GPC5: variants seen among roughly 807,000 people sequenced by gnomAD.
GPC5 encodes glypican 5.
Under a neutral mutation model 53.9 loss-of-function variants are expected in GPC5, and 47 were observed. The ratio of observed to expected loss-of-function variants is 0.87; its 90% CI spans 0.69 to 1.11. The LOEUF (loss-of-function observed/expected upper bound fraction) is 1.11, where lower values mean the gene tolerates loss of function less well. Among genes scored for constraint, GPC5 ranks in the 50% most tolerant of loss-of-function variants. The probability of loss-of-function intolerance (pLI) is 0.00; values close to 1 mark genes in which losing one functional copy is unlikely to be tolerated. For synonymous variants in GPC5, 286 were observed against 263.3 expected (o/e 1.09, Z -0.84); for missense variants, 748 against 713.1 (o/e 1.05, Z -0.56).
At chr13:92,739,169 T>A (rs1889021580) in intron 7 of GPC5, among the ~76,000 whole-genome samples, 1 of 152,106 alleles carries the variant, frequency 6.6e-6, no homozygotes, top group African/African-American at 2.4e-5. Context: ...AACATATGTC[T>A]CTATATGTTT....
chr13:92,321,884 C>T (rs1422137117), intron 7 of GPC5, among the ~76,000 whole-genome samples: 8 of 151,946 alleles, frequency 5.3e-5, no homozygotes, highest in African/African-American at 1.7e-4. Context: ...ATTTAGTTGT[C>T]ATACTTTATA....
intron 6 of GPC5, among the ~76,000 whole-genome samples, chr13:92,128,418 C>T (rs1423022941): frequency 7.2e-5 from 11 of 152,170 alleles, no homozygotes; most frequent in Admixed American, 7.2e-4. Context: ...ACAAGATATG[C>T]TGTCACATTT....
At chr13:91,594,673 C>T (rs1350684314) in intron 2 of GPC5, among the ~76,000 whole-genome samples, 1 of 151,542 alleles carries the variant, frequency 6.6e-6, no homozygotes, top group Non-Finnish European at 1.5e-5. Context: ...TATTGATAGC[C>T]TTTAATTTTG....
chr13:92,772,708 T>A (rs1014307624), intron 7 of GPC5, among the ~76,000 whole-genome samples: 1 of 152,190 alleles, frequency 6.6e-6, no homozygotes, highest in Non-Finnish European at 1.5e-5. Flanking sequence ...TTTCTTTTGT[T>A]CTCTGCTGTA....
intron 7 of GPC5, among the ~76,000 whole-genome samples, chr13:92,571,513 C>A (rs1475076597): frequency 6.6e-6 from 1 of 152,098 alleles, no homozygotes; most frequent in African/African-American, 2.4e-5. Flanking sequence ...AACCAGATTT[C>A]ATATAAATAT....
chr13:92,861,818 C>T (rs763953274), intron 7 of GPC5, among the ~76,000 whole-genome samples: 89 of 152,048 alleles, frequency 5.9e-4, no homozygotes, highest in Non-Finnish European at 1.1e-3. Context: ...ATTTTGTTTA[C>T]TTCCTCATTA....
chr13:91,684,674 T>C (rs1230544825), intron 2 of GPC5, among the ~76,000 whole-genome samples: 2 of 152,192 alleles, frequency 1.3e-5, no homozygotes, highest in Non-Finnish European at 2.9e-5. Flanking sequence ...CTGGGCTTCC[T>C]GTTTTCACTC....
chr13:92,640,205 A>G (rs1303736602), intron 7 of GPC5, among the ~76,000 whole-genome samples: 3 of 152,080 alleles, frequency 2.0e-5, no homozygotes, highest in South Asian at 2.1e-4. Context: ...ATTCTACCCA[A>G]AAAAGAAGCA....
chr13:91,466,631 G>T (rs1049016519), intron 2 of GPC5, among the ~76,000 whole-genome samples: 3 of 152,084 alleles, frequency 2.0e-5, no homozygotes, highest in African/African-American at 7.2e-5. Flanking sequence ...AGACAAGGAA[G>T]TGAGTTTTGG....
At chr13:92,363,007 G>A (rs1461690902) in intron 7 of GPC5, among the ~76,000 whole-genome samples, 11 of 151,594 alleles carry the variant, frequency 7.3e-5, no homozygotes, top group Non-Finnish European at 1.2e-4. Flanking sequence ...AGAGATTAGA[G>A]TTTACAGAGG....
At chr13:92,663,134 A>G (rs1159105143) in intron 7 of GPC5, among the ~76,000 whole-genome samples, 1 of 152,122 alleles carries the variant, frequency 6.6e-6, no homozygotes, top group Non-Finnish European at 1.5e-5. Flanking sequence ...ATAAACACCT[A>G]CCTCAGGTGA....
At chr13:91,994,015 T>C (rs2040481449) in intron 6 of GPC5, among the ~76,000 whole-genome samples, 1 of 152,190 alleles carries the variant, frequency 6.6e-6, no homozygotes, top group African/African-American at 2.4e-5. Flanking sequence ...TTATAGTCAG[T>C]ATGTTTTTTA....
In GPC5 at chr13:92,624,243, T is replaced by C. The variant is rs1453560994; in HGVS notation, c.1562-242039T>C. Among the ~76,000 whole-genome samples, 5 of 152,094 alleles carry C rather than the reference T, an allele frequency of 3.3e-5. No individual in the cohort carries two copies. The South Asian group carries it at 6.2e-4, about 19-fold the overall frequency. On this transcript the variant is annotated intron_variant, in intron 7 of 7. Coordinates refer to ENST00000377067, the MANE Select transcript of GPC5 (RefSeq NM_004466.6). The stretch of plus-strand genomic sequence containing the variant: ...TGCCACCATGCCCTGCTAATTTTTG[T>C]ATTTTTATTAGAGACGGGGTTTTGC...
chr13:91,595,768 C>G (rs9523372), intron 2 of GPC5, among the ~76,000 whole-genome samples: 70,767 of 152,044 alleles, frequency 0.47, 20,147 homozygotes, highest in East Asian at 0.62. Context: ...TTTGAAGGAG[C>G]CCATAGAGTT....
intron 7 of GPC5, among the ~76,000 whole-genome samples, chr13:92,442,446 C>T (rs149090349): frequency 3.2e-4 from 49 of 152,186 alleles, no homozygotes; most frequent in African/African-American, 1.1e-3. Flanking sequence ...GTGAGGTATG[C>T]AGAGATCCTG....
At chr13:92,724,827 T>A (rs1231475890) in intron 7 of GPC5, among the ~76,000 whole-genome samples, 1 of 150,596 alleles carries the variant, frequency 6.6e-6, no homozygotes, top group African/African-American at 2.4e-5. Context: ...GCTCTACTGC[T>A]CATTTAAAGA....
At chr13:91,851,333 A>T (rs1286913182) in intron 5 of GPC5, among the ~76,000 whole-genome samples, 1 of 152,008 alleles carries the variant, frequency 6.6e-6, no homozygotes, top group Non-Finnish European at 1.5e-5. Flanking sequence ...TAAAAAATAC[A>T]CTCATATAGG....
intron 7 of GPC5, among the ~76,000 whole-genome samples, chr13:92,277,995 T>C (rs1229431976): frequency 6.6e-6 from 1 of 151,858 alleles, no homozygotes; most frequent in Non-Finnish European, 1.5e-5. Context: ...CAATAAACAA[T>C]AATGAAAAGT....
At chr13:92,752,630 G>A (rs571896374) in intron 7 of GPC5, among the ~76,000 whole-genome samples, 57 of 152,220 alleles carry the variant, frequency 3.7e-4, no homozygotes, top group African/African-American at 4.6e-4. Context: ...CAGTGGGTGC[G>A]CGCACCGTGC....
Sources: allele counts gnomAD v4.1 joint callset (sites outside exome capture counted in the v4.1 genomes callset), GRCh38; gene constraint gnomAD v4.1.1; transcripts MANE v1.5; gene names NCBI Gene and HGNC (gene_info 2026-07-23, HGNC 2026-07-21).